The following GPC6 variants were observed in gnomAD, a reference collection of about 807,000 sequenced individuals.
GPC6 encodes glypican 6, also known as glypican-6.
GPC6 carries 14 observed loss-of-function variants against 55.2 expected under a neutral mutation model. The observed-to-expected ratio is 0.25, with a 90% CI of 0.17 to 0.40. GPC6 has a LOEUF of 0.40. Among genes scored for constraint, GPC6 ranks in the 10% least tolerant of loss-of-function variants. The pLI, the probability that GPC6 is intolerant of heterozygous loss-of-function variation, is 1.00. For missense variants in GPC6, 641 were observed against 708.5 expected, an observed-to-expected ratio of 0.90 and a Z score of 1.08; for synonymous variants, 278 against 259.6, an observed-to-expected ratio of 1.07 and a Z score of -0.68.
chr13:94,030,728 A>G (rs1883091839), intron 4 of GPC6, among the ~76,000 whole-genome samples: 1 of 152,108 alleles, frequency 6.6e-6, no homozygotes, highest in African/African-American at 2.4e-5. Flanking sequence ...TAGCTACACA[A>G]ATGTCCCAGT....
At chr13:94,164,901 A>G (rs1477130989) in intron 4 of GPC6, among the ~76,000 whole-genome samples, 1 of 152,164 alleles carries the variant, frequency 6.6e-6, no homozygotes, top group Non-Finnish European at 1.5e-5. Flanking sequence ...TAGGATTTAG[A>G]GTTTAAATAA....
intron 4 of GPC6, among the ~76,000 whole-genome samples, chr13:94,216,053 T>A (rs962056568): frequency 1.3e-5 from 2 of 152,066 alleles, no homozygotes; most frequent in East Asian, 1.9e-4. Context: ...GTAGGAAGAG[T>A]GAAAAAGGGT....
chr13:93,297,988 G>C (rs1378818237), intron 1 of GPC6, among the ~76,000 whole-genome samples: 1 of 152,158 alleles, frequency 6.6e-6, no homozygotes, highest in Non-Finnish European at 1.5e-5. Flanking sequence ...AGTAACAAAT[G>C]TTAGGTTCAC....
At chr13:93,950,590 C>T (rs1010270977) in intron 3 of GPC6, among the ~76,000 whole-genome samples, 12 of 152,128 alleles carry the variant, frequency 7.9e-5, no homozygotes, top group Admixed American at 1.3e-4. Flanking sequence ...CACAATTGCT[C>T]CGTCTGATCC....
At chr13:93,578,560 A>G (rs545002543) in intron 2 of GPC6, among the ~76,000 whole-genome samples, 13 of 147,696 alleles carry the variant, frequency 8.8e-5, no homozygotes, top group Admixed American at 2.0e-4. Flanking sequence ...TTCATTTTTT[A>G]TTTTATTTGG....
intron 1 of GPC6, among the ~76,000 whole-genome samples, chr13:93,460,118 C>A (rs1161095060): frequency 6.6e-6 from 1 of 152,176 alleles, no homozygotes; most frequent in Non-Finnish European, 1.5e-5. Flanking sequence ...GGCTTCCATA[C>A]AAAATTCTGT....
At chr13:94,352,747 C>T (rs931238847) in intron 6 of GPC6, among the ~76,000 whole-genome samples, 1 of 152,170 alleles carries the variant, frequency 6.6e-6, no homozygotes, top group Non-Finnish European at 1.5e-5. Context: ...TTAATTATTG[C>T]CCAAGTTGAC....
intron 1 of GPC6, among the ~76,000 whole-genome samples, chr13:93,540,632 A>T (rs1882255910): frequency 6.6e-6 from 1 of 152,142 alleles, no homozygotes; most frequent in East Asian, 1.9e-4. Flanking sequence ...TAGTGATCAG[A>T]TAGGGGGATT....
At chr13:94,256,623 A>C (rs745627018) in intron 4 of GPC6, among the ~76,000 whole-genome samples, 1 of 152,194 alleles carries the variant, frequency 6.6e-6, no homozygotes, top group African/African-American at 2.4e-5. Context: ...TCCTAGTGAC[A>C]TAAACTCATA....
At chr13:93,259,300 G>T (rs1877057536) in intron 1 of GPC6, among the ~76,000 whole-genome samples, 2 of 152,054 alleles carry the variant, frequency 1.3e-5, no homozygotes, top group African/African-American at 4.8e-5. Flanking sequence ...GGAACTTTAG[G>T]GACTGATACA....
chr13:93,474,748 T>C (rs1005300436), intron 1 of GPC6, among the ~76,000 whole-genome samples: 18 of 152,202 alleles, frequency 1.2e-4, no homozygotes, highest in African/African-American at 4.3e-4. Flanking sequence ...CCGGGTTTTG[T>C]GGCTGTCTTC....
chr13:93,932,464 A>T (rs1045154758), intron 3 of GPC6, among the ~76,000 whole-genome samples: 1 of 152,228 alleles, frequency 6.6e-6, no homozygotes, highest in East Asian at 1.9e-4. Flanking sequence ...GAAGATTGCC[A>T]TTAGCATTAC....
chr13:93,911,930 C>T (rs1469881466), intron 3 of GPC6, among the ~76,000 whole-genome samples: 2 of 152,086 alleles, frequency 1.3e-5, no homozygotes, highest in African/African-American at 4.8e-5. Flanking sequence ...GTGTAATGTA[C>T]AAGTGATTTC....
rs1216553088 is a variant in GPC6, at chr13:94,234,502, T to G, written c.878-51847T>G. ...GTTGAACAAAAGGAGGCCGTTCTTT[T>G]GTTTGCTTTTTTTTTTTTTTTGCAA... On this transcript the variant is annotated intron_variant, in intron 4 of 8. Coordinates refer to ENST00000377047, the MANE Select transcript of GPC6 (RefSeq NM_005708.5). Among the ~76,000 whole-genome samples, 3 of 118,136 alleles carry G rather than the reference T, an allele frequency of 2.5e-5. No homozygotes were observed. In the Admixed American group the frequency reaches 2.7e-4, roughly 11 times the overall value. The allele number at this position is 118,136 out of a possible 152,430, so 77.5% of individuals were successfully genotyped here.
intron 2 of GPC6, among the ~76,000 whole-genome samples, chr13:93,679,149 G>T (rs1881755698): frequency 6.6e-6 from 1 of 152,068 alleles, no homozygotes; most frequent in South Asian, 2.1e-4. Context: ...GGTAGTATCT[G>T]TACAGATAGA....
chr13:93,534,539 C>T (rs61065530), intron 1 of GPC6, among the ~76,000 whole-genome samples: 2,485 of 152,282 alleles, frequency 0.016, 66 homozygotes, highest in African/African-American at 0.057. Context: ...TTTCCCACCA[C>T]GCCACTCACC....
At chr13:93,309,537 A>C (rs1218137431) in intron 1 of GPC6, among the ~76,000 whole-genome samples, 1 of 152,168 alleles carries the variant, frequency 6.6e-6, no homozygotes, top group African/African-American at 2.4e-5. Context: ...TAATAGCATG[A>C]CATGTTTTAA....
chr13:94,225,648 A>ATG (rs1172652107), intron 4 of GPC6, among the ~76,000 whole-genome samples: 17 of 140,144 alleles, frequency 1.2e-4, no homozygotes, highest in Admixed American at 1.2e-3. Flanking sequence ...GTATATATAT[A>ATG]TGTGTGTGTG....
intron 3 of GPC6, among the ~76,000 whole-genome samples, chr13:93,831,234 A>T (rs929868330): frequency 1.3e-5 from 2 of 152,188 alleles, no homozygotes; most frequent in African/African-American, 2.4e-5. Context: ...TGAAGATAAC[A>T]TCTCTATACC....
Sources: gnomAD v4.1 joint callset for allele counts (sites outside exome capture counted in the v4.1 genomes callset) on GRCh38, gnomAD v4.1.1 for gene constraint, MANE v1.5 for transcripts, NCBI Gene and HGNC (gene_info 2026-07-23, HGNC 2026-07-21) for gene names.